PARP1: variants seen among roughly 807,000 people sequenced by gnomAD.
The protein encoded by PARP1 is poly [ADP-ribose] polymerase 1.
PARP1 carries 44 observed loss-of-function variants against 118.7 expected under a neutral mutation model. That is an observed-to-expected ratio of 0.37 (90% CI 0.29 to 0.48). The LOEUF is 0.48. Ranked by LOEUF, PARP1 falls within the 20% of genes least tolerant of loss-of-function variation. The probability of loss-of-function intolerance (pLI) is 0.99; values close to 1 mark genes in which losing one functional copy is unlikely to be tolerated. For synonymous variants in PARP1, 492 were observed against 483.2 expected, an observed-to-expected ratio of 1.02 and a Z score of -0.24; for missense variants, 1,100 against 1,272.4, an observed-to-expected ratio of 0.86 and a Z score of 2.06.
rs762258231 is a variant in PARP1, at chr1:226,407,829, C to T, written c.101G>A (p.Arg34Gln). 1.3e-6 allele frequency: 2 copies of T among 1,583,152 alleles called. No homozygotes were observed. The highest frequency in any genetic ancestry group is 1.1e-5 in the South Asian group (1 of 87,780). The change falls in exon 1 of 23, where the codon CGG (arginine) becomes CAG (glutamine). Residue 34 changes from arginine (R) to glutamine (Q), a missense_variant. By Grantham distance (43) the Arg-to-Gln change is conservative. This residue lies in a region of PARP1 where 948 missense variants were observed against 1,031.8 expected (regional missense o/e 0.92). Transcript: ENST00000366794. The stretch of plus-strand genomic sequence containing the variant: ...CCGCACCTGCACCATGATGGCCATC[C>T]GGAGCGAGTCCTTGGGGATGCTCTC... Reference protein sequence around the residue: ...CSESIPKDSLRMAIMVQSPMF... With the variant: ...CSESIPKDSLQMAIMVQSPMF...
intron 2 of PARP1, among the ~76,000 whole-genome samples, chr1:226,397,225 G>C (rs1664941454): frequency 6.6e-6 from 1 of 151,842 alleles, no homozygotes; most frequent in Non-Finnish European, 1.5e-5. Context: ...AGAGGCTGAC[G>C]TGGGAGGATT....
At chr1:226,362,826 T>C (rs999727235) in intron 21 of PARP1, among the ~76,000 whole-genome samples, 3 of 150,424 alleles carry the variant, frequency 2.0e-5, no homozygotes. Flanking sequence ...TTTTTAAAAA[T>C]GAACCTCCTG....
chr1:226,401,822 T>C (rs1665043454), intron 2 of PARP1, among the ~76,000 whole-genome samples: 1 of 152,114 alleles, frequency 6.6e-6, no homozygotes, highest in Non-Finnish European at 1.5e-5. Flanking sequence ...GCAATAATGA[T>C]GTGTCAGTGT....
chr1:226,393,239 AAG>A (rs927368489), intron 2 of PARP1, among the ~76,000 whole-genome samples: 91 of 152,356 alleles, frequency 6.0e-4, no homozygotes, highest in African/African-American at 2.2e-3. Flanking sequence ...AAACAGCGTT[AAG>A]ATACATAAAA....
chr1:226,389,893 T>C (rs3219043), intron 4 of PARP1, among the ~76,000 whole-genome samples: 34,225 of 151,952 alleles, frequency 0.23, 4,630 homozygotes, highest in African/African-American at 0.37. Context: ...TGTCCATGGA[T>C]TCAAGACAGT....
chr1:226,374,506 T>C, intron 13 of PARP1, 152 bp from the exon 14 acceptor site: 4 of 848,720 alleles, frequency 4.7e-6, no homozygotes, highest in Non-Finnish European at 5.8e-6. Flanking sequence ...TGGAAAACAG[T>C]GGCCAGGATG....
In PARP1 at chr1:226,365,960, G is replaced by T; in HGVS notation, c.2499C>A (p.Val833=). 1 of 1,601,400 alleles carries T rather than the reference G, an allele frequency of 6.2e-7. No homozygotes were observed. Among genetic ancestry groups the T allele is most frequent in the South Asian group, 1.1e-5 (1 of 90,798 alleles). ...GGGAAGAAGGGATTCTTACATCGAT[G>T]ACTTCCAAGTCATACGCATTGTGTG... The part of the protein sequence containing the change: ...ATTHNAYDLE[V]IDIFKIEREG... Residue 833 remains valine (V), a synonymous_variant, in exon 18 of 23, where the codon GTC becomes GTA. Coordinates refer to ENST00000366794, the MANE Select transcript of PARP1 (RefSeq NM_001618.4).
intron 12 of PARP1, among the ~76,000 whole-genome samples, chr1:226,377,918 T>C (rs1664527273): frequency 6.6e-6 from 1 of 151,450 alleles, no homozygotes; most frequent in South Asian, 2.1e-4. Flanking sequence ...CATTTCATAA[T>C]AAATATATAT....
At chr1:226,385,924 G>A (rs1664708241) in intron 6 of PARP1, among the ~76,000 whole-genome samples, 2 of 152,160 alleles carry the variant, frequency 1.3e-5, no homozygotes, top group South Asian at 4.1e-4. Context: ...CAGTGATTTA[G>A]AAATGAAGGG....
intron 12 of PARP1, among the ~76,000 whole-genome samples, chr1:226,378,458 A>G (rs1441796996): frequency 2.0e-5 from 3 of 152,128 alleles, no homozygotes; most frequent in East Asian, 1.9e-4. Context: ...GAGTTTGAAC[A>G]TTAAAGAGTA....
At chr1:226,378,459 T>A (rs897527415) in intron 12 of PARP1, among the ~76,000 whole-genome samples, 1 of 151,466 alleles carries the variant, frequency 6.6e-6, no homozygotes, top group African/African-American at 2.4e-5. Context: ...AGTTTGAACA[T>A]TAAAGAGTAA....
intron 18 of PARP1, among the ~76,000 whole-genome samples, chr1:226,365,748 T>C (rs1010207409): frequency 2.1e-5 from 3 of 144,460 alleles, no homozygotes; most frequent in Non-Finnish European, 4.5e-5. Flanking sequence ...GCCTGGGTGA[T>C]AGAGTGAGAC....
intron 1 of PARP1, among the ~76,000 whole-genome samples, chr1:226,406,197 T>C (rs1195269763): frequency 1.3e-5 from 2 of 152,210 alleles, no homozygotes; most frequent in South Asian, 2.1e-4. Context: ...GGACTGCTAA[T>C]ATGCCTTTGC....
intron 11 of PARP1, 144 bp downstream of exon 11, chr1:226,379,429 G>C: frequency 1.7e-6 from 2 of 1,191,320 alleles, no homozygotes; most frequent in Admixed American, 3.5e-5. Flanking sequence ...CAGGACTGGG[G>C]GAGCTGGTGA....
At chr1:226,399,793 G>A (rs1664993133) in intron 2 of PARP1, among the ~76,000 whole-genome samples, 1 of 152,186 alleles carries the variant, frequency 6.6e-6, no homozygotes, top group Non-Finnish European at 1.5e-5. Context: ...TGTTGATTGT[G>A]GACAAAAGTC....
intron 5 of PARP1, 116 bp downstream of exon 5, chr1:226,388,540 T>A (rs1249286522): frequency 4.0e-6 from 3 of 758,896 alleles, no homozygotes; most frequent in Non-Finnish European, 7.2e-6. Flanking sequence ...ATAACTGCCA[T>A]CAATTTGCTA....
chr1:226,371,441 T>A (rs896914542), intron 14 of PARP1, among the ~76,000 whole-genome samples: 1 of 152,162 alleles, frequency 6.6e-6, no homozygotes, highest in Non-Finnish European at 1.5e-5. Context: ...AATAAAAGGA[T>A]GTGAAAAGTG....
intron 1 of PARP1, among the ~76,000 whole-genome samples, chr1:226,405,729 T>C (rs1223309372): frequency 6.6e-6 from 1 of 152,204 alleles, no homozygotes; most frequent in Non-Finnish European, 1.5e-5. Context: ...TTGGGTTTTG[T>C]TTGTCTTTCC....
intron 1 of PARP1, among the ~76,000 whole-genome samples, chr1:226,407,011 T>C (rs1665162606): frequency 6.6e-6 from 1 of 151,978 alleles, no homozygotes. Flanking sequence ...AATACAAAGG[T>C]AGACATCGGC....
Sources: gnomAD v4.1 joint callset for allele counts (sites outside exome capture counted in the v4.1 genomes callset) on GRCh38, gnomAD v4.1.1 for gene constraint, gnomAD v4.1.1 regional missense constraint, MANE v1.5 for transcripts, NCBI Gene and HGNC (gene_info 2026-07-23, HGNC 2026-07-21) for gene names.